Variants in ASB2 observed in about 807,000 individuals in gnomAD.
ASB2 encodes ankyrin repeat and SOCS box protein 2.
ASB2 carries 58 observed loss-of-function variants against 62.4 expected under a neutral mutation model. The ratio of observed to expected loss-of-function variants is 0.93; its 90% confidence interval spans 0.75 to 1.16. The LOEUF is 1.16. ASB2 is among the 50% of genes most tolerant of loss of function. The probability of loss-of-function intolerance (pLI) is 0.00; values close to 1 mark genes in which losing one functional copy is unlikely to be tolerated. For synonymous variants in ASB2, 386 were observed against 385.3 expected, an observed-to-expected ratio of 1.00 and a Z score of -0.02; for missense variants, 928 against 887.9, an observed-to-expected ratio of 1.05 and a Z score of -0.57.
chr14:93,965,130 A>C (rs998713941), intron 1 of ASB2, among the ~76,000 whole-genome samples: 2 of 152,038 alleles, frequency 1.3e-5, no homozygotes, highest in South Asian at 4.2e-4. Context: ...ATGCATCATC[A>C]CATCCACCCA....
chr14:93,974,444 G>C (rs1010264230), intron 1 of ASB2, among the ~76,000 whole-genome samples: 1 of 152,224 alleles, frequency 6.6e-6, no homozygotes, highest in African/African-American at 2.4e-5. Context: ...CCTCTGCAGC[G>C]CAGAAATGGA....
rs1475283187 is a variant in ASB2 at position 93,939,562 on chromosome 14, A to G, written c.1163T>C (p.Leu388Pro). The G allele has an allele frequency of 6.3e-7, 1 of 1,592,078 alleles. No homozygotes were observed. The highest frequency in any genetic ancestry group is 1.7e-5 in the Admixed American group (1 of 58,280). Residue 388 changes from leucine (L) to proline (P), a missense_variant, in exon 8 of 10, where the codon CTG becomes CCG. By Grantham distance (98) the Leu-to-Pro change is moderately conservative. Coordinates refer to ENST00000555019, the MANE Select transcript of ASB2 (RefSeq NM_001202429.2). Reference sequence around the variant, plus strand: ...GTTCACGTCGAAGCGCGCGCTCAGCAGCGCCTCCAGCACCTCGTCGTGGTT... The same window carrying G: ...GTTCACGTCGAAGCGCGCGCTCAGCGGCGCCTCCAGCACCTCGTCGTGGTT... ...ERNHDEVLEA[L>P]LSARFDVNTP...
At position 93,939,269 on chromosome 14, in the gene ASB2, T is replaced by TG; in HGVS notation, c.1455dup (p.Met486HisfsTer57). ...AACTTGAGCAGCGACAGGCACTTCA[T>TG]GGCGAACATGATGGTGGCGGGGAAG... On this transcript the variant is annotated frameshift_variant, in exon 8 of 10. Coordinates refer to ENST00000555019, the MANE Select transcript of ASB2 (RefSeq NM_001202429.2). LOFTEE classifies it high-confidence loss of function. 1 of 1,610,018 alleles carries TG rather than the reference T, an allele frequency of 6.2e-7. No homozygotes were observed. The highest frequency in any genetic ancestry group is 8.5e-7 in the Non-Finnish European group (1 of 1,177,234).
intron 7 of ASB2, chr14:93,940,179 C>G (rs977979726): frequency 1.3e-5 from 2 of 154,806 alleles, no homozygotes; most frequent in Non-Finnish European, 2.9e-5. Context: ...AAGTTTGGAG[C>G]CAGACCCTGC....
intron 8 of ASB2, 140 bp downstream of exon 8, chr14:93,938,968 C>G (rs755856950): frequency 1.3e-6 from 1 of 757,866 alleles, no homozygotes; most frequent in African/African-American, 1.9e-5. Flanking sequence ...GGCCCCACTT[C>G]CCCCGAAGGG....
chr14:93,952,119 A>T (rs1173714438), intron 5 of ASB2, among the ~76,000 whole-genome samples: 1 of 152,236 alleles, frequency 6.6e-6, no homozygotes, highest in Non-Finnish European at 1.5e-5. Context: ...TACTGTTTCA[A>T]ATAGAACCAT....
chr14:93,956,377 C>T (rs540143887), intron 3 of ASB2, among the ~76,000 whole-genome samples: 5 of 152,336 alleles, frequency 3.3e-5, no homozygotes, highest in African/African-American at 7.2e-5. Flanking sequence ...CAGAAGGGTG[C>T]AGCCAACTCA....
chr14:93,967,955 A>G (rs890515906), intron 1 of ASB2, among the ~76,000 whole-genome samples: 10 of 152,186 alleles, frequency 6.6e-5, no homozygotes, highest in African/African-American at 1.7e-4. Context: ...GAGATAAGCT[A>G]CTTCGCTATG....
intron 4 of ASB2, among the ~76,000 whole-genome samples, chr14:93,953,789 T>C (rs1189730865): frequency 1.5e-5 from 2 of 137,196 alleles, no homozygotes; most frequent in African/African-American, 3.6e-5. Context: ...CAGCCATTGC[T>C]GGAAACCCAC....
rs745631544 is a variant in ASB2 at position 93,964,552 on chromosome 14, C to G, written c.-13G>C. The stretch of plus-strand genomic sequence containing the variant: ...TCTGCGTGGCCATCCTCCTCCACCT[C>G]TCACCCTGGCCTCCAGAACAGACAC... On this transcript the variant is annotated 5_prime_UTR_variant, in exon 2 of 10. Transcript: ENST00000555019. The G allele has an allele frequency of 3.6e-4, 554 of 1,535,744 alleles. 1 individual carries two copies. The Middle Eastern group carries it at 4.0e-3, about 11-fold the overall frequency.
intron 8 of ASB2, 59 bp downstream of exon 8, chr14:93,939,049 G>A (rs1321968413): frequency 8.8e-6 from 12 of 1,363,556 alleles, no homozygotes; most frequent in Non-Finnish European, 1.1e-5. Context: ...CCATGCGCGC[G>A]CGCGTCCCTG....
At chr14:93,954,990 T>C (rs1296177576) in intron 3 of ASB2, 1 of 453,794 alleles carries the variant, frequency 2.2e-6, no homozygotes, top group East Asian at 7.0e-5. Context: ...GTTTAAAACT[T>C]CTGAATGTCA....
chr14:93,940,750 A>G (rs1407690311), intron 7 of ASB2, among the ~76,000 whole-genome samples: 1 of 152,210 alleles, frequency 6.6e-6, no homozygotes, highest in African/African-American at 2.4e-5. Flanking sequence ...CACTGATCTC[A>G]GCACTTTACC....
chr14:93,946,994 G>A (rs887883128), intron 7 of ASB2, among the ~76,000 whole-genome samples: 1 of 152,220 alleles, frequency 6.6e-6, no homozygotes, highest in African/African-American at 2.4e-5. Context: ...CCTTGGGCAA[G>A]TCACTCAACC....
chr14:93,954,703 A>G (rs1265577316), intron 3 of ASB2, among the ~76,000 whole-genome samples: 1 of 152,192 alleles, frequency 6.6e-6, no homozygotes, highest in Non-Finnish European at 1.5e-5. Context: ...ACCAAAACCA[A>G]TTCTACCAAG....
At chr14:93,970,666 C>T (rs1185944893) in intron 1 of ASB2, among the ~76,000 whole-genome samples, 1 of 152,120 alleles carries the variant, frequency 6.6e-6, no homozygotes, top group Non-Finnish European at 1.5e-5. Flanking sequence ...CATGACAGTG[C>T]TTCAAGCCCT....
chr14:93,948,792 C>T (rs1356822769), intron 6 of ASB2, among the ~76,000 whole-genome samples: 2 of 152,156 alleles, frequency 1.3e-5, no homozygotes, highest in Non-Finnish European at 2.9e-5. Flanking sequence ...AGCCCCTGGC[C>T]GGGCATGGTG....
chr14:93,935,664 C>A (rs1888247983), intron 9 of ASB2, among the ~76,000 whole-genome samples: 1 of 152,142 alleles, frequency 6.6e-6, no homozygotes, highest in African/African-American at 2.4e-5. Context: ...GGAAGTCATG[C>A]AAGCCTGGGG....
chr14:93,967,210 G>A lies in ASB2; in HGVS notation c.-73-2598C>T, dbSNP rs138863576. Among the ~76,000 whole-genome samples, 207 of 152,250 alleles carry A rather than the reference G, an allele frequency of 1.4e-3. 1 individual carries two copies. Among genetic ancestry groups the A allele is most frequent in the African/African-American group, 4.6e-3 (190 of 41,546 alleles). On this transcript the variant is annotated intron_variant, in intron 1 of 9. Coordinates refer to ENST00000555019, the MANE Select transcript of ASB2 (RefSeq NM_001202429.2). Reference sequence around the variant, plus strand: ...CAGCTGGGTGGAGCCCCCATCTCCAGCTGGCCCAGGCCTGGCTTCCCACTC... The same window carrying A: ...CAGCTGGGTGGAGCCCCCATCTCCAACTGGCCCAGGCCTGGCTTCCCACTC...
Sources: gnomAD v4.1 joint callset for allele counts (sites outside exome capture counted in the v4.1 genomes callset) on GRCh38, gnomAD v4.1.1 for gene constraint, MANE v1.5 for transcripts, NCBI Gene and HGNC (gene_info 2026-07-23, HGNC 2026-07-21) for gene names.